Variants in ABCA4 observed in about 807,000 individuals in gnomAD.
ABCA4 encodes the protein ATP binding cassette subfamily A member 4.
A neutral mutation model predicts 263.7 loss-of-function variants in ABCA4; 196 were observed. That is an observed-to-expected ratio of 0.74 (90% CI 0.66 to 0.84). The LOEUF (loss-of-function observed/expected upper bound fraction) is 0.84, where lower values mean the gene tolerates loss of function less well. ABCA4 is among the 40% of genes least tolerant of loss of function. ABCA4 has a pLI of 0.00. For synonymous variants in ABCA4, 1,133 were observed against 1,094.2 expected, an observed-to-expected ratio of 1.04 and a Z score of -0.70; for missense variants, 2,792 against 2,855.1, an observed-to-expected ratio of 0.98 and a Z score of 0.50.
At chr1:94,084,772 C>T (rs764693952) in intron 6 of ABCA4, among the ~76,000 whole-genome samples, 13 of 152,154 alleles carry the variant, frequency 8.5e-5, no homozygotes, top group Admixed American at 2.0e-4. Flanking sequence ...TTTGTCTTGC[C>T]GGGAGTACTC....
chr1:94,011,779 C>T (rs1320193638), intron 38 of ABCA4, among the ~76,000 whole-genome samples: 2 of 152,222 alleles, frequency 1.3e-5, no homozygotes, highest in East Asian at 3.9e-4. Flanking sequence ...GTCCTTACCC[C>T]TCCCCTAGGT....
intron 40 of ABCA4, among the ~76,000 whole-genome samples, chr1:94,009,535 G>T (rs1659489830): frequency 6.6e-6 from 1 of 152,102 alleles, no homozygotes; most frequent in Admixed American, 6.5e-5. Flanking sequence ...ATCTCCCCCT[G>T]GTTCCCAGTC....
At chr1:94,060,859 TG>T (rs764847712) in intron 13 of ABCA4, 100 bp from the exon 14 acceptor site, 20 of 1,032,996 alleles carry the variant, frequency 1.9e-5, no homozygotes, top group Admixed American at 6.0e-5. Flanking sequence ...AAAGCCCAGA[TG>T]GAGGGAAAGG....
Position 94,108,653 on chromosome 1 carries a change from A to ATG in ABCA4, c.365_366insCA (p.Gly123MetfsTer32), listed in dbSNP as rs1275663715. 1.1e-5 allele frequency: 17 copies of ATG among 1,614,046 alleles called. No individual in the cohort carries two copies. Among genetic ancestry groups the ATG allele is most frequent in the Non-Finnish European group, 1.4e-5 (17 of 1,180,026 alleles). ...TGTGTAGCTCTGTCCAAATACGGCC[A>ATG]AGGTGCTGGCTCTCTGGTGCATTCA... is the stretch of plus-strand genomic sequence containing the variant. On this transcript the variant is annotated frameshift_variant, in exon 4 of 50. Coordinates refer to ENST00000370225, the MANE Select transcript of ABCA4 (RefSeq NM_000350.3). LOFTEE classifies it high-confidence loss of function.
chr1:94,099,022 G>T (rs1662218986), intron 5 of ABCA4, 31 bp from the exon 6 acceptor site: 3 of 1,588,454 alleles, frequency 1.9e-6, no homozygotes, highest in East Asian at 2.3e-5. Context: ...ACTAGAAACT[G>T]CCCTGTGGTA....
chr1:94,053,815 G>A (rs1196180873), intron 16 of ABCA4, among the ~76,000 whole-genome samples: 2 of 152,212 alleles, frequency 1.3e-5, no homozygotes, highest in Admixed American at 6.5e-5. Context: ...ATGAATGCAC[G>A]CTTGCCACTA....
At position 94,098,855 on chromosome 1, in the gene ABCA4, G is replaced by T. The variant is rs777091662; in HGVS notation, c.707C>A (p.Thr236Asn). 1 of 1,614,146 alleles carries T rather than the reference G, an allele frequency of 6.2e-7. No individual in the cohort carries two copies. Among genetic ancestry groups the T allele is most frequent in the South Asian group, 1.1e-5 (1 of 91,076 alleles). ...CAGAGTGTCTTCTATCCACTGTAGGGTGCCCTGGGAGAGGGAGCACAGGGC... is the reference window on the plus strand; with the variant it reads ...CAGAGTGTCTTCTATCCACTGTAGGTTGCCCTGGGAGAGGGAGCACAGGGC... ...RYALCSLSQGTLQWIEDTLYA... is the reference protein window; with the variant it reads ...RYALCSLSQGNLQWIEDTLYA... Residue 236 changes from threonine (T) to asparagine (N), a missense_variant, in exon 6 of 50, where the codon ACC becomes AAC. Thr to Asn is a moderately conservative substitution (Grantham distance 65). Coordinates refer to ENST00000370225, the MANE Select transcript of ABCA4 (RefSeq NM_000350.3).
Position 94,026,991 on chromosome 1 carries a change from A to G in ABCA4, c.4540-1943T>C, listed in dbSNP as rs1660057653. Among the ~76,000 whole-genome samples, 4 of 152,102 alleles carry G rather than the reference A, an allele frequency of 2.6e-5. 1 individual carries two copies. The South Asian group carries it at 8.4e-4, about 32-fold the overall frequency. ...GAGAATGAGAAAGAGATTGAGAGAA[A>G]GAGTGAGAAAGAGTGAGAGAGTGAG... On this transcript the variant is annotated intron_variant, in intron 30 of 49. Transcript: ENST00000370225.
chr1:94,041,611 T>C (rs1660489260), intron 22 of ABCA4, among the ~76,000 whole-genome samples: 2 of 152,256 alleles, frequency 1.3e-5, no homozygotes, highest in Admixed American at 1.3e-4. Context: ...CTGTAAAGCA[T>C]TGCCACACAC....
intron 11 of ABCA4, among the ~76,000 whole-genome samples, chr1:94,068,175 T>A (rs994141513): frequency 1.3e-5 from 2 of 152,156 alleles, no homozygotes; most frequent in African/African-American, 4.8e-5. Flanking sequence ...AGGTGGGCAG[T>A]AGGGGAGCTG....
intron 16 of ABCA4, among the ~76,000 whole-genome samples, chr1:94,052,843 CT>C (rs1283656214): frequency 6.6e-6 from 1 of 152,128 alleles, no homozygotes; most frequent in African/African-American, 2.4e-5. Context: ...AAAGGAGTGT[CT>C]TTTTTTATTC....
intron 1 of ABCA4, among the ~76,000 whole-genome samples, chr1:94,114,884 C>A (rs1570435840): frequency 6.6e-6 from 1 of 152,242 alleles, no homozygotes; most frequent in East Asian, 1.9e-4. Context: ...AGGACAGGAA[C>A]CTCATCTGTC....
chr1:94,038,915 C>T (rs1660415480), intron 24 of ABCA4, among the ~76,000 whole-genome samples: 1 of 152,044 alleles, frequency 6.6e-6, no homozygotes, highest in South Asian at 2.1e-4. Flanking sequence ...AGTGCATTTC[C>T]CACCATTCAC....
intron 11 of ABCA4, among the ~76,000 whole-genome samples, chr1:94,075,766 C>T (rs775472673): frequency 6.6e-6 from 1 of 152,160 alleles, no homozygotes; most frequent in Non-Finnish European, 1.5e-5. Context: ...CAAGAGTGGT[C>T]CACCCTTAGA....
intron 26 of ABCA4, among the ~76,000 whole-genome samples, chr1:94,032,838 G>T (rs1486980818): frequency 6.6e-6 from 1 of 152,190 alleles, no homozygotes; most frequent in African/African-American, 2.4e-5. Flanking sequence ...CCCTGGGGAG[G>T]CAGAGTTGGG....
chr1:94,038,002 G>T (rs1377173874), intron 24 of ABCA4, among the ~76,000 whole-genome samples: 1 of 152,138 alleles, frequency 6.6e-6, no homozygotes, highest in Non-Finnish European at 1.5e-5. Flanking sequence ...CGGTGACCAA[G>T]CTGAGTGAGA....
intron 7 of ABCA4, among the ~76,000 whole-genome samples, chr1:94,082,157 C>T (rs1661718133): frequency 6.6e-6 from 1 of 152,190 alleles, no homozygotes; most frequent in Non-Finnish European, 1.5e-5. Flanking sequence ...TCTCAAATTG[C>T]TTCAACAACA....
intron 15 of ABCA4, 89 bp from the exon 16 acceptor site, chr1:94,055,404 G>A: frequency 7.7e-7 from 1 of 1,294,838 alleles, no homozygotes; most frequent in South Asian, 1.3e-5. Flanking sequence ...AGAGGGGAGG[G>A]CCAAAAGAGG....
intron 3 of ABCA4, among the ~76,000 whole-genome samples, chr1:94,109,877 T>C (rs1662555327): frequency 6.6e-6 from 1 of 152,216 alleles, no homozygotes; most frequent in African/African-American, 2.4e-5. Context: ...ACTCATAATG[T>C]GAGTGCAAAA....
Sources: allele counts gnomAD v4.1 joint callset (sites outside exome capture counted in the v4.1 genomes callset), GRCh38; gene constraint gnomAD v4.1.1; transcripts MANE v1.5; gene names NCBI Gene and HGNC (gene_info 2026-07-23, HGNC 2026-07-21).